The following PAWR variants were observed in gnomAD, a reference collection of about 807,000 sequenced individuals.
PAWR encodes the protein PRKC apoptosis WT1 regulator protein.
PAWR carries 23 observed loss-of-function variants against 32.0 expected under a neutral mutation model. That is an observed-to-expected ratio of 0.72 (90% CI 0.52 to 1.02). The LOEUF (loss-of-function observed/expected upper bound fraction) is 1.02, where lower values mean the gene tolerates loss of function less well. Ranked by LOEUF, PAWR falls within the 50% of genes least tolerant of loss-of-function variation. The pLI is 0.00. For missense variants in PAWR, 457 were observed against 437.7 expected, an observed-to-expected ratio of 1.04 and a Z score of -0.39; for synonymous variants, 226 against 187.1, an observed-to-expected ratio of 1.21 and a Z score of -1.70.
chr12:79,615,543 C>T (rs1267255947), intron 3 of PAWR, among the ~76,000 whole-genome samples: 2 of 152,128 alleles, frequency 1.3e-5, no homozygotes, highest in Non-Finnish European at 2.9e-5. Flanking sequence ...ATCAGCTGTT[C>T]TTACAGCAAG....
intron 2 of PAWR, among the ~76,000 whole-genome samples, chr12:79,686,700 A>C (rs1019446199): frequency 1.3e-5 from 2 of 152,226 alleles, no homozygotes. Flanking sequence ...ATGTGAGAAC[A>C]TATGTAAAAA....
chr12:79,680,275 G>A (rs1435194740), intron 2 of PAWR, among the ~76,000 whole-genome samples: 6 of 152,114 alleles, frequency 3.9e-5, no homozygotes, highest in South Asian at 4.1e-4. Context: ...TGCCAGTTAC[G>A]TCAGTTCACT....
At chr12:79,624,777 A>G (rs1875197637) in intron 2 of PAWR, among the ~76,000 whole-genome samples, 2 of 152,166 alleles carry the variant, frequency 1.3e-5, no homozygotes, top group African/African-American at 4.8e-5. Context: ...TCCTTTCTTC[A>G]GCTGCATAAT....
chr12:79,665,164 A>G (rs1029759334), intron 2 of PAWR, among the ~76,000 whole-genome samples: 1 of 152,246 alleles, frequency 6.6e-6, no homozygotes, highest in Non-Finnish European at 1.5e-5. Flanking sequence ...ATTTTTAAGG[A>G]AAATTTTATA....
intron 2 of PAWR, among the ~76,000 whole-genome samples, chr12:79,687,964 C>T (rs1878763327): frequency 6.6e-6 from 1 of 151,968 alleles, no homozygotes; most frequent in Non-Finnish European, 1.5e-5. Context: ...TCCTCAATTC[C>T]CTATTCAATA....
intron 2 of PAWR, among the ~76,000 whole-genome samples, chr12:79,680,154 G>A (rs540579639): frequency 6.6e-6 from 1 of 152,304 alleles, no homozygotes; most frequent in South Asian, 2.1e-4. Flanking sequence ...AACAAGTTGA[G>A]AATAACACTA....
chr12:79,650,334 C>A (rs1313720508), intron 2 of PAWR, among the ~76,000 whole-genome samples: 1 of 152,200 alleles, frequency 6.6e-6, no homozygotes, highest in South Asian at 2.1e-4. Context: ...TACATTGACA[C>A]TGTACCTTGT....
intron 4 of PAWR, among the ~76,000 whole-genome samples, chr12:79,603,494 C>G (rs1423357331): frequency 1.3e-5 from 2 of 151,942 alleles, no homozygotes; most frequent in Non-Finnish European, 2.9e-5. Context: ...TAGGTAGAAA[C>G]TATAATGCTG....
chr12:79,657,661 G>A (rs1471617542), intron 2 of PAWR, among the ~76,000 whole-genome samples: 1 of 152,120 alleles, frequency 6.6e-6, no homozygotes, highest in Admixed American at 6.5e-5. Flanking sequence ...GGGCGTGGTG[G>A]CGGGCGCATG....
intron 2 of PAWR, among the ~76,000 whole-genome samples, chr12:79,647,880 T>C (rs1009471676): frequency 1.6e-4 from 24 of 152,212 alleles, no homozygotes; most frequent in Admixed American, 7.2e-4. Context: ...ACTGGTGCTA[T>C]GGAACACAAG....
At chr12:79,669,483 G>T (rs2136846752) in intron 2 of PAWR, among the ~76,000 whole-genome samples, 1 of 151,946 alleles carries the variant, frequency 6.6e-6, no homozygotes, top group Admixed American at 6.6e-5. Flanking sequence ...AAATAACTAA[G>T]AAATATATTT....
chr12:79,626,263 G>C (rs1875311152), intron 2 of PAWR, among the ~76,000 whole-genome samples: 1 of 148,654 alleles, frequency 6.7e-6, no homozygotes, highest in Admixed American at 6.7e-5. Flanking sequence ...ACAATGAAAT[G>C]ACTTTTTTTT....
chr12:79,668,126 C>T (rs749941189), intron 2 of PAWR: 1 of 152,214 alleles, frequency 6.6e-6, no homozygotes, highest in Non-Finnish European at 1.5e-5. Flanking sequence ...TGGTCTAGAA[C>T]CCCCGACCTC....
chr12:79,676,470 TA>T (rs1450818378), intron 2 of PAWR, among the ~76,000 whole-genome samples: 1 of 152,170 alleles, frequency 6.6e-6, no homozygotes, highest in Non-Finnish European at 1.5e-5. Flanking sequence ...TAATAAACTG[TA>T]TTCTCTGCTA....
intron 4 of PAWR, among the ~76,000 whole-genome samples, chr12:79,602,806 A>G (rs868379279): frequency 4.3e-5 from 6 of 139,940 alleles, no homozygotes; most frequent in East Asian, 4.1e-4. Flanking sequence ...ACGTGTCACT[A>G]TGTTGACCAG....
At chr12:79,630,241 T>C (rs1418163765) in intron 2 of PAWR, among the ~76,000 whole-genome samples, 1 of 151,766 alleles carries the variant, frequency 6.6e-6, no homozygotes, top group African/African-American at 2.4e-5. Context: ...TAAGTAAAAA[T>C]AAATGATATT....
intron 2 of PAWR, among the ~76,000 whole-genome samples, chr12:79,621,731 T>C (rs1221407195): frequency 2.0e-5 from 3 of 152,118 alleles, no homozygotes; most frequent in Non-Finnish European, 4.4e-5. Flanking sequence ...ATTTAAAGAA[T>C]GGCTACAATT....
intron 2 of PAWR, among the ~76,000 whole-genome samples, chr12:79,639,544 TCA>T (rs1876178467): frequency 6.6e-6 from 1 of 152,138 alleles, no homozygotes; most frequent in African/African-American, 2.4e-5. Context: ...TCAAGAAACT[TCA>T]CACTCTTGTT....
chr12:79,684,892 T>TA (rs1041955659), intron 2 of PAWR, among the ~76,000 whole-genome samples: 3 of 152,204 alleles, frequency 2.0e-5, no homozygotes, highest in Non-Finnish European at 4.4e-5. Flanking sequence ...GATGGTTTAT[T>TA]ACGCACAAGA....
Sources: gnomAD v4.1 joint callset for allele counts (sites outside exome capture counted in the v4.1 genomes callset) on GRCh38, gnomAD v4.1.1 for gene constraint, MANE v1.5 for transcripts, NCBI Gene and HGNC (gene_info 2026-07-23, HGNC 2026-07-21) for gene names.